OBP2A: variants seen among roughly 807,000 people sequenced by gnomAD.
OBP2A encodes the protein odorant binding protein 2A.
Under a neutral mutation model 21.9 loss-of-function variants are expected in OBP2A, and 15 were observed. The observed-to-expected ratio is 0.69, with a 90% confidence interval of 0.46 to 1.06. The LOEUF is 1.06. OBP2A is among the 50% of genes least tolerant of loss of function. The pLI is 0.00. For synonymous variants in OBP2A, 86 were observed against 91.8 expected (o/e 0.94, Z 0.36); for missense variants, 192 against 220.1 (o/e 0.87, Z 0.81).
Position 135,547,059 on chromosome 9 carries a change from G to T in OBP2A, c.207-119G>T. On this transcript the variant is annotated intron_variant, in intron 2 of 6. Transcript: ENST00000371776. ...AAACAGCCAGGACATCCTGAAGCTCGGTGGGGTGGGGGGGCAGTGGAATTT... is the reference window on the plus strand; with the variant it reads ...AAACAGCCAGGACATCCTGAAGCTCTGTGGGGTGGGGGGGCAGTGGAATTT... The T allele has an allele frequency of 3.4e-6, 5 of 1,466,308 alleles. No individual in the cohort carries two copies. The South Asian group carries it at 3.5e-5, about 10-fold the overall frequency. 90.8% of individuals were successfully genotyped at this position (1,466,308 alleles called of 1,614,324 possible).
intron 3 of OBP2A, 42 bp from the exon 4 acceptor site, chr9:135,547,829 G>A (rs1422797719): frequency 6.3e-6 from 9 of 1,430,190 alleles, no homozygotes; most frequent in Non-Finnish European, 8.7e-6. Flanking sequence ...GCTCTCTCCG[G>A]GAATGAGGGC....
intron 5 of OBP2A, 33 bp downstream of exon 5, chr9:135,548,842 C>T (rs756923977): frequency 7.5e-6 from 12 of 1,608,238 alleles, no homozygotes; most frequent in African/African-American, 1.3e-5. Context: ...CCCCGTGTTC[C>T]CCTGTGTCTC....
intron 2 of OBP2A, 118 bp from the exon 3 acceptor site, chr9:135,547,060 G>A: frequency 1.4e-6 from 2 of 1,470,392 alleles, no homozygotes; most frequent in Non-Finnish European, 1.9e-6. Context: ...CTGAAGCTCG[G>A]TGGGGTGGGG....
At chr9:135,547,094 C>A in intron 2 of OBP2A, 84 bp from the exon 3 acceptor site, 1 of 1,499,874 alleles carries the variant, frequency 6.7e-7, no homozygotes. Flanking sequence ...TTCAGGTTGC[C>A]GGGTCAGGGC....
chr9:135,546,562 A>G (rs1831937233), intron 1 of OBP2A, among the ~76,000 whole-genome samples: 1 of 151,664 alleles, frequency 6.6e-6, no homozygotes, highest in Non-Finnish European at 1.5e-5. Context: ...TGGGGTGCAG[A>G]CATGCCCTCC....
chr9:135,547,649 G>A (rs73667652), intron 3 of OBP2A, among the ~76,000 whole-genome samples: 2,927 of 152,330 alleles, frequency 0.019, 100 homozygotes, highest in African/African-American at 0.065. Flanking sequence ...AGTCCTGGAC[G>A]TGCTCTGGCC....
In OBP2A at chr9:135,548,960, G is replaced by A. The variant is rs555291514; in HGVS notation, c.490+151G>A. Reference sequence around the variant, plus strand: ...GCTCTGGGCCCTGCTTAGCATCCTCGTCGTTGGAGGGTCTGCACTCTGGGC... The same window carrying A: ...GCTCTGGGCCCTGCTTAGCATCCTCATCGTTGGAGGGTCTGCACTCTGGGC... On this transcript the variant is annotated intron_variant, in intron 5 of 6. Coordinates refer to ENST00000371776, the MANE Select transcript of OBP2A (RefSeq NM_014582.3). 8.3e-6 allele frequency: 8 copies of A among 961,212 alleles called. 1 individual carries two copies. The Admixed American group carries it at 9.1e-5, about 11-fold the overall frequency. 59.5% of individuals were successfully genotyped at this position (961,212 alleles called of 1,614,324 possible).
In OBP2A at chr9:135,547,996, G is replaced by T. The variant is rs377011714; in HGVS notation, c.388+15G>T. On this transcript the variant is annotated intron_variant, in intron 4 of 6. Transcript: ENST00000371776. ...AAAGCTTGTGGGTGAGGGGCCCGCTGGGGCCTGCATGTCCTGCCCCATGGT... is the reference window on the plus strand; with the variant it reads ...AAAGCTTGTGGGTGAGGGGCCCGCTTGGGCCTGCATGTCCTGCCCCATGGT... 6.4e-6 allele frequency: 10 copies of T among 1,570,080 alleles called. No individual in the cohort carries two copies. In the African/African-American group the frequency reaches 9.5e-5, roughly 15 times the overall value.
intron 3 of OBP2A, 44 bp from the exon 4 acceptor site, chr9:135,547,827 C>A: frequency 7.1e-7 from 1 of 1,417,784 alleles, no homozygotes; most frequent in Non-Finnish European, 9.8e-7. Context: ...GTGCTCTCTC[C>A]GGGAATGAGG....
At chr9:135,547,759 T>C (rs1831981254) in intron 3 of OBP2A, 112 bp from the exon 4 acceptor site, 1 of 819,668 alleles carries the variant, frequency 1.2e-6, no homozygotes, top group Non-Finnish European at 1.9e-6. Flanking sequence ...GCTCAGGCTG[T>C]CCAGGGCACC....
At chr9:135,548,930 C>T in intron 5 of OBP2A, 121 bp downstream of exon 5, 1 of 1,133,582 alleles carries the variant, frequency 8.8e-7, no homozygotes, top group Non-Finnish European at 1.3e-6. Context: ...AGTCTCCTCG[C>T]AGGGGCTCTG....
At chr9:135,547,153 T>C in intron 2 of OBP2A, 25 bp from the exon 3 acceptor site, 2 of 1,606,778 alleles carry the variant, frequency 1.2e-6, no homozygotes, top group Non-Finnish European at 1.7e-6. Context: ...TGGGAGCCGC[T>C]GCCCGAGTGT....
chr9:135,547,931 AC>A lies in OBP2A; in HGVS notation c.339del (p.Cys114AlafsTer94), dbSNP rs754682013. ...ELPGTDDYVF[Y>X]CKDQRRGGLR... Reference sequence around the variant, plus strand: ...CCCGGGACGGACGACTACGTCTTTTACTGCAAAGACCAGCGCCGTGGGGGCC... The same window carrying A: ...CCCGGGACGGACGACTACGTCTTTTATGCAAAGACCAGCGCCGTGGGGGCC... On this transcript the variant is annotated frameshift_variant, in exon 4 of 7. Coordinates refer to ENST00000371776, the MANE Select transcript of OBP2A (RefSeq NM_014582.3). LOFTEE classifies it high-confidence loss of function. 4 of 1,613,484 alleles carry A rather than the reference AC, an allele frequency of 2.5e-6. No homozygotes were observed. The highest frequency in any genetic ancestry group is 3.4e-6 in the Non-Finnish European group (4 of 1,179,660).
intron 6 of OBP2A, 119 bp from the exon 7 acceptor site, chr9:135,549,718 C>G (rs59921683): frequency 1.5e-6 from 1 of 656,446 alleles, no homozygotes; most frequent in African/African-American, 1.8e-5. Context: ...TGCTCTGGAG[C>G]CCCGAGGCTG....
chr9:135,549,921 C>T lies in OBP2A; in HGVS notation c.*86C>T, dbSNP rs1180563773. 6.5e-6 allele frequency: 10 copies of T among 1,545,834 alleles called. No individual in the cohort carries two copies. Among genetic ancestry groups the T allele is most frequent in the African/African-American group, 1.4e-5 (1 of 72,718 alleles). ...CCTGGACCTACCCTCCAGCCATGAC[C>T]CTTCCCTGCTCCCACCCACCTGACT... On this transcript the variant is annotated 3_prime_UTR_variant, in exon 7 of 7. Transcript: ENST00000371776.
At position 135,547,984 on chromosome 9, in the gene OBP2A, G is replaced by A. The variant is rs199952378; in HGVS notation, c.388+3G>A. ...GCGCTACATGGGAAAGCTTGTGGGTGAGGGGCCCGCTGGGGCCTGCATGTC... is the reference window on the plus strand; with the variant it reads ...GCGCTACATGGGAAAGCTTGTGGGTAAGGGGCCCGCTGGGGCCTGCATGTC... On this transcript the variant is annotated splice_donor_region_variant and intron_variant, in intron 4 of 6. Transcript: ENST00000371776. The A allele has an allele frequency of 2.9e-5, 46 of 1,598,374 alleles. No individual in the cohort carries two copies. The highest frequency in any genetic ancestry group is 4.5e-5 in the East Asian group (2 of 44,716).
chr9:135,548,133 G>A, intron 4 of OBP2A, 152 bp downstream of exon 4: 2 of 588,176 alleles, frequency 3.4e-6, no homozygotes, highest in Non-Finnish European at 5.8e-6. Flanking sequence ...GCCCTGGATG[G>A]CTGGTCCAAG....
In OBP2A at chr9:135,548,190, C is replaced by T. The variant is rs1453016694; in HGVS notation, c.388+209C>T. Among the ~76,000 whole-genome samples, 4 of 152,204 alleles carry T rather than the reference C, an allele frequency of 2.6e-5. No homozygotes were observed. In the East Asian group the frequency reaches 7.7e-4, roughly 29 times the overall value. On this transcript the variant is annotated intron_variant, in intron 4 of 6. Coordinates refer to ENST00000371776, the MANE Select transcript of OBP2A (RefSeq NM_014582.3). ...GGGCCAGGCAGGGACAGACACGGCC[C>T]TCGGTGACATGAACCTGCCAAGGGC...
rs1403809163 is a variant in OBP2A at position 135,547,069 on chromosome 9, G to A, written c.207-109G>A. 50 of 1,471,946 alleles carry A rather than the reference G, an allele frequency of 3.4e-5. 1 individual carries two copies. In the Admixed American group the frequency reaches 8.0e-4, roughly 24 times the overall value. The allele number at this position is 1,471,946 out of a possible 1,614,324, so 91.2% of individuals were successfully genotyped here. A position where few individuals can be genotyped will look rare whatever the true frequency, so the allele number is the denominator to read the frequency against. On this transcript the variant is annotated intron_variant, in intron 2 of 6. Coordinates refer to ENST00000371776, the MANE Select transcript of OBP2A (RefSeq NM_014582.3). ...GACATCCTGAAGCTCGGTGGGGTGG[G>A]GGGGCAGTGGAATTTTCAGGTTGCC...
Sources: gnomAD v4.1 joint callset for allele counts (sites outside exome capture counted in the v4.1 genomes callset) on GRCh38, gnomAD v4.1.1 for gene constraint, MANE v1.5 for transcripts, NCBI Gene and HGNC (gene_info 2026-07-23, HGNC 2026-07-21) for gene names.